The following ZFAND3 variants were observed in gnomAD, a reference collection of about 807,000 sequenced individuals.
ZFAND3 encodes the protein zinc finger AN1-type containing 3.
ZFAND3 carries 10 observed loss-of-function variants against 29.6 expected under a neutral mutation model. That is an observed-to-expected ratio of 0.34 (90% CI 0.21 to 0.57). ZFAND3 has a LOEUF of 0.57. Among genes scored for constraint, ZFAND3 ranks in the 20% least tolerant of loss-of-function variants. The probability of loss-of-function intolerance (pLI) is 0.86; values close to 1 mark genes in which losing one functional copy is unlikely to be tolerated. For synonymous variants in ZFAND3, 128 were observed against 112.6 expected, an observed-to-expected ratio of 1.14 and a Z score of -0.87; for missense variants, 230 against 304.5, an observed-to-expected ratio of 0.76 and a Z score of 1.82.
chr6:37,943,272 A>G (rs1761842996), intron 2 of ZFAND3, among the ~76,000 whole-genome samples: 1 of 152,150 alleles, frequency 6.6e-6, no homozygotes, highest in African/African-American at 2.4e-5. Context: ...TCAGATTTGA[A>G]GATTAACCTC....
At chr6:37,891,639 C>T (rs561009447) in intron 1 of ZFAND3, among the ~76,000 whole-genome samples, 49 of 151,924 alleles carry the variant, frequency 3.2e-4, no homozygotes, top group Non-Finnish European at 6.0e-4. Context: ...AGAAGATAAA[C>T]AAGGAAATAG....
At chr6:37,929,840 ATTAG>A in intron 1 of ZFAND3, 115 bp from the exon 2 acceptor site, 1 of 799,516 alleles carries the variant, frequency 1.3e-6, no homozygotes, top group South Asian at 2.8e-5. Context: ...TTATCAGTTT[ATTAG>A]TTCAGTTGCC....
intron 1 of ZFAND3, among the ~76,000 whole-genome samples, chr6:37,876,379 C>A (rs900039379): frequency 2.0e-5 from 3 of 152,172 alleles, no homozygotes; most frequent in Non-Finnish European, 4.4e-5. Context: ...GAACTTCTTA[C>A]CTACGTGTTA....
intron 4 of ZFAND3, among the ~76,000 whole-genome samples, chr6:38,110,541 G>A (rs1286803710): frequency 6.6e-6 from 1 of 152,150 alleles, no homozygotes; most frequent in Non-Finnish European, 1.5e-5. Context: ...CTTTTAAGTG[G>A]TCGAAGGAGA....
chr6:37,972,821 A>G (rs1321917530), intron 2 of ZFAND3, among the ~76,000 whole-genome samples: 1 of 151,820 alleles, frequency 6.6e-6, no homozygotes, highest in Non-Finnish European at 1.5e-5. Context: ...ATTAGAGTAG[A>G]TTTATTTATT....
chr6:37,918,533 A>G (rs1230042721), intron 1 of ZFAND3, among the ~76,000 whole-genome samples: 1 of 152,196 alleles, frequency 6.6e-6, no homozygotes, highest in Admixed American at 6.5e-5. Context: ...TCTGACAAGG[A>G]AAGATCTAAT....
chr6:37,971,649 C>G (rs79577923), intron 2 of ZFAND3, among the ~76,000 whole-genome samples: 3,109 of 152,180 alleles, frequency 0.02, 99 homozygotes, highest in African/African-American at 0.072. Flanking sequence ...CTTCATCTTG[C>G]ATTTGTATCA....
intron 1 of ZFAND3, among the ~76,000 whole-genome samples, chr6:37,872,269 G>A (rs1204425242): frequency 6.6e-6 from 1 of 152,184 alleles, no homozygotes; most frequent in Non-Finnish European, 1.5e-5. Flanking sequence ...CAGACTCACA[G>A]TTTCTGCCTG....
At chr6:38,111,539 G>A (rs1321753018) in intron 4 of ZFAND3, among the ~76,000 whole-genome samples, 3 of 152,006 alleles carry the variant, frequency 2.0e-5, no homozygotes, top group Admixed American at 6.6e-5. Flanking sequence ...CTCCTCCTTC[G>A]TCTCCTCCTC....
intron 5 of ZFAND3, among the ~76,000 whole-genome samples, chr6:38,144,080 C>T (rs1019599274): frequency 6.6e-5 from 10 of 150,454 alleles, no homozygotes; most frequent in African/African-American, 2.5e-4. Flanking sequence ...CTTGTAACCA[C>T]CTGCTGTTCC....
intron 2 of ZFAND3, among the ~76,000 whole-genome samples, chr6:37,968,699 C>A (rs138331572): frequency 6.6e-6 from 1 of 152,144 alleles, no homozygotes; most frequent in Non-Finnish European, 1.5e-5. Flanking sequence ...CTTCCCCCTT[C>A]CCCCTTCCGC....
At chr6:38,021,893 A>G (rs79912950) in intron 2 of ZFAND3, among the ~76,000 whole-genome samples, 1 of 152,356 alleles carries the variant, frequency 6.6e-6, no homozygotes, top group Non-Finnish European at 1.5e-5. Context: ...GCCCTGACAG[A>G]GAAAGAATGG....
chr6:38,053,765 A>G (rs1419204311), intron 2 of ZFAND3, among the ~76,000 whole-genome samples: 2 of 152,300 alleles, frequency 1.3e-5, no homozygotes, highest in East Asian at 1.9e-4. Context: ...GTGGTAATGG[A>G]GAAATAGATG....
intron 5 of ZFAND3, among the ~76,000 whole-genome samples, chr6:38,118,488 G>C (rs1765463663): frequency 6.6e-6 from 1 of 151,626 alleles, no homozygotes; most frequent in South Asian, 2.1e-4. Flanking sequence ...TAGAATTGTG[G>C]GACTTTCCTG....
intron 2 of ZFAND3, among the ~76,000 whole-genome samples, chr6:38,032,509 T>C (rs182529164): frequency 1.4e-4 from 22 of 152,360 alleles, no homozygotes; most frequent in African/African-American, 3.6e-4. Context: ...TAGGAAGACA[T>C]GGACCTCATT....
intron 5 of ZFAND3, among the ~76,000 whole-genome samples, chr6:38,131,869 G>A (rs1187246435): frequency 6.6e-6 from 1 of 152,238 alleles, no homozygotes; most frequent in Non-Finnish European, 1.5e-5. Flanking sequence ...TTTTGGAACA[G>A]TGTTTGAAAG....
chr6:37,853,412 GAAAAAAA>G (rs56738009), intron 1 of ZFAND3, among the ~76,000 whole-genome samples: 3 of 65,880 alleles, frequency 4.6e-5, no homozygotes, highest in East Asian at 1.1e-3. Context: ...TGAGCCTCAA[GAAAAAAA>G]AAAAAAAAAA....
chr6:38,059,484 G>C (rs1344822114), intron 2 of ZFAND3, among the ~76,000 whole-genome samples: 1 of 152,068 alleles, frequency 6.6e-6, no homozygotes, highest in Non-Finnish European at 1.5e-5. Context: ...GACATTACCT[G>C]TCTTTGGATA....
At chr6:37,961,585 C>T (rs772589455) in intron 2 of ZFAND3, among the ~76,000 whole-genome samples, 9 of 152,226 alleles carry the variant, frequency 5.9e-5, no homozygotes, top group East Asian at 1.9e-4. Flanking sequence ...TTTGACCCAG[C>T]GAAGTCCTAG....
Sources: gnomAD v4.1 joint callset for allele counts (sites outside exome capture counted in the v4.1 genomes callset) on GRCh38, gnomAD v4.1.1 for gene constraint, MANE v1.5 for transcripts, NCBI Gene and HGNC (gene_info 2026-07-23, HGNC 2026-07-21) for gene names.